Variants in GABRB1 observed in about 807,000 individuals in gnomAD.
GABRB1 encodes gamma-aminobutyric acid type A receptor subunit beta1, also known as gamma-aminobutyric acid receptor subunit beta-1.
Under a neutral mutation model 51.6 loss-of-function variants are expected in GABRB1, and 17 were observed. The observed-to-expected ratio is 0.33, with a 90% CI of 0.23 to 0.49. The LOEUF (loss-of-function observed/expected upper bound fraction) is 0.49. GABRB1 is among the 20% of genes least tolerant of loss of function. GABRB1 has a pLI of 0.99. For synonymous variants in GABRB1, 247 were observed against 218.9 expected (o/e 1.13, Z -1.14); for missense variants, 410 against 600.6 (o/e 0.68, Z 3.32).
intron 4 of GABRB1, among the ~76,000 whole-genome samples, chr4:47,195,140 G>A (rs577705297): frequency 3.4e-4 from 52 of 152,290 alleles, no homozygotes; most frequent in African/African-American, 1.3e-3. Context: ...GCCGAGGCAG[G>A]CGGATCACGA....
intron 5 of GABRB1, among the ~76,000 whole-genome samples, chr4:47,325,345 G>T (rs1242372967): frequency 1.3e-5 from 2 of 150,914 alleles, no homozygotes; most frequent in East Asian, 3.9e-4. Context: ...TGAGGCAGGG[G>T]AATCATTTGA....
chr4:47,163,372 G>A (rs564063656), intron 4 of GABRB1, among the ~76,000 whole-genome samples: 8 of 152,022 alleles, frequency 5.3e-5, no homozygotes, highest in African/African-American at 7.2e-5. Context: ...CAGGGGTATC[G>A]GTGATTAAAA....
chr4:47,218,559 T>A (rs1720646333), intron 4 of GABRB1, among the ~76,000 whole-genome samples: 1 of 151,956 alleles, frequency 6.6e-6, no homozygotes, highest in South Asian at 2.1e-4. Context: ...TCATTGTGGA[T>A]TTAATTTACA....
At chr4:47,409,808 A>G (rs149679079) in intron 8 of GABRB1, among the ~76,000 whole-genome samples, 2 of 152,334 alleles carry the variant, frequency 1.3e-5, no homozygotes, top group East Asian at 3.9e-4. Flanking sequence ...CTACAAAACA[A>G]ACTTTAAGCA....
At chr4:47,341,056 T>C (rs1361145845) in intron 5 of GABRB1, among the ~76,000 whole-genome samples, 2 of 152,164 alleles carry the variant, frequency 1.3e-5, no homozygotes, top group African/African-American at 4.8e-5. Context: ...TGATAAGATC[T>C]TTTTATGTGC....
chr4:47,407,122 C>G (rs2110055491), intron 8 of GABRB1, among the ~76,000 whole-genome samples, 196 bp downstream of exon 8: 1 of 152,214 alleles, frequency 6.6e-6, no homozygotes, highest in South Asian at 2.1e-4. Context: ...TAGTAATATA[C>G]CCTGGAACTC....
At chr4:47,024,122 G>GT (rs1485985191) in intron 1 of GABRB1, among the ~76,000 whole-genome samples, 6 of 151,680 alleles carry the variant, frequency 4.0e-5, no homozygotes, top group Non-Finnish European at 8.9e-5. Flanking sequence ...TTTTGTTGTT[G>GT]TTTTTTGTTT....
intron 3 of GABRB1, among the ~76,000 whole-genome samples, chr4:47,098,387 A>T (rs952209726): frequency 6.6e-6 from 1 of 152,054 alleles, no homozygotes; most frequent in Admixed American, 6.6e-5. Context: ...TTATCATGAA[A>T]CTTTGTCATT....
intron 5 of GABRB1, among the ~76,000 whole-genome samples, chr4:47,375,928 A>C (rs546490649): frequency 5.3e-4 from 80 of 152,306 alleles, no homozygotes; most frequent in Non-Finnish European, 1.1e-3. Flanking sequence ...GAGGCACAGA[A>C]TGTTTGGAGG....
rs1325070905 is a variant in GABRB1 at position 47,113,380 on chromosome 4, C to T, written c.241-47869C>T. Among the ~76,000 whole-genome samples the T allele has an allele frequency of 2.5e-4, 28 of 111,746 alleles. No homozygotes were observed. In the East Asian group the frequency reaches 6.5e-3, roughly 26 times the overall value. The allele number at this position is 111,746 out of a possible 152,430, so 73.3% of individuals were successfully genotyped here. ...CAGCCTGGGTGACAGAGTGAGACTT[C>T]GTCTCCAAAAAAAAAAAAAAAAAAT... On this transcript the variant is annotated intron_variant, in intron 3 of 8. Coordinates refer to ENST00000295454, the MANE Select transcript of GABRB1 (RefSeq NM_000812.4).
intron 3 of GABRB1, among the ~76,000 whole-genome samples, chr4:47,094,049 G>C (rs543704912): frequency 6.6e-6 from 1 of 151,442 alleles, no homozygotes; most frequent in Admixed American, 6.6e-5. Context: ...CAAGAGGATG[G>C]CAAGGAGGGA....
intron 5 of GABRB1, among the ~76,000 whole-genome samples, chr4:47,357,892 C>G (rs921022317): frequency 4.6e-5 from 7 of 152,114 alleles, no homozygotes; most frequent in African/African-American, 1.4e-4. Context: ...CTCACTAACC[C>G]AAATAAAAGT....
rs558451498 is a variant in GABRB1, at chr4:47,231,920, G to T, written c.461+70451G>T. On this transcript the variant is annotated intron_variant, in intron 4 of 8. Coordinates refer to ENST00000295454, the MANE Select transcript of GABRB1 (RefSeq NM_000812.4). Reference sequence around the variant, plus strand: ...TGCTGATCATTATCATTAGCTTGTTGTATTTTTAAAATATTGTATCCAAGT... The same window carrying T: ...TGCTGATCATTATCATTAGCTTGTTTTATTTTTAAAATATTGTATCCAAGT... 3.9e-5 allele frequency among the ~76,000 whole-genome samples: 6 copies of T among 152,294 alleles called. No homozygotes were observed. The East Asian group carries it at 1.2e-3, about 29-fold the overall frequency.
intron 3 of GABRB1, among the ~76,000 whole-genome samples, chr4:47,058,628 G>A (rs1374534621): frequency 1.3e-5 from 2 of 152,116 alleles, no homozygotes; most frequent in Non-Finnish European, 2.9e-5. Context: ...GAGGTGCCCT[G>A]GGGGTAATGC....
chr4:47,016,630 C>T (rs1398960408), intron 1 of GABRB1, among the ~76,000 whole-genome samples: 1 of 151,708 alleles, frequency 6.6e-6, no homozygotes, highest in African/African-American at 2.4e-5. Flanking sequence ...ACTCTGTCAC[C>T]CAGGCTGGAG....
intron 4 of GABRB1, among the ~76,000 whole-genome samples, chr4:47,162,376 G>T (rs367765469): frequency 6.6e-6 from 1 of 151,792 alleles, no homozygotes; most frequent in East Asian, 1.9e-4. Flanking sequence ...AATTTAATAG[G>T]CTAATCAACC....
At chr4:47,371,528 G>A (rs923608007) in intron 5 of GABRB1, among the ~76,000 whole-genome samples, 1 of 152,176 alleles carries the variant, frequency 6.6e-6, no homozygotes, top group South Asian at 2.1e-4. Flanking sequence ...CTTCCACAAT[G>A]GTTGAATTAA....
intron 5 of GABRB1, among the ~76,000 whole-genome samples, chr4:47,324,287 C>T (rs913458434): frequency 3.9e-5 from 6 of 152,088 alleles, no homozygotes; most frequent in African/African-American, 7.2e-5. Flanking sequence ...TGGCCCTGCC[C>T]GCTGTGCTTA....
chr4:47,182,506 A>T (rs1188315679), intron 4 of GABRB1, among the ~76,000 whole-genome samples: 3 of 152,022 alleles, frequency 2.0e-5, no homozygotes, highest in South Asian at 2.1e-4. Flanking sequence ...AGGGAATATT[A>T]TTTGACTCAG....
Sources: allele counts gnomAD v4.1 joint callset (sites outside exome capture counted in the v4.1 genomes callset), GRCh38; gene constraint gnomAD v4.1.1; transcripts MANE v1.5; gene names NCBI Gene and HGNC (gene_info 2026-07-23, HGNC 2026-07-21).